CYP2W1: variants seen among roughly 807,000 people sequenced by gnomAD.
The protein encoded by CYP2W1 is cytochrome P450 family 2 subfamily W member 1.
CYP2W1 carries 51 observed loss-of-function variants against 44.9 expected under a neutral mutation model. The observed-to-expected ratio is 1.14, with a 90% CI of 0.91 to 1.43. CYP2W1 has a LOEUF of 1.43. Among genes scored for constraint, CYP2W1 ranks in the 40% most tolerant of loss-of-function variants. CYP2W1 has a pLI of 0.00. For missense variants in CYP2W1, 746 were observed against 700.0 expected (o/e 1.07, Z -0.74); for synonymous variants, 383 against 338.3 (o/e 1.13, Z -1.45).
intron 1 of CYP2W1, 87 bp downstream of exon 1, chr7:983,472 A>G: frequency 3.1e-6 from 4 of 1,283,222 alleles, no homozygotes; most frequent in Non-Finnish European, 4.1e-6. Context: ...CCCGGTTTCC[A>G]CTGCCTGTTC....
intron 7 of CYP2W1, among the ~76,000 whole-genome samples, chr7:987,945 CTG>C (rs10560989): frequency 0.029 from 4,004 of 136,142 alleles, 161 homozygotes; most frequent in African/African-American, 0.096. Context: ...GGGGGGTCCC[CTG>C]TGTGTCCTGG....
chr7:984,673 G>C, intron 2 of CYP2W1, 99 bp downstream of exon 2: 1 of 1,462,064 alleles, frequency 6.8e-7, no homozygotes, highest in Non-Finnish European at 9.1e-7. Flanking sequence ...TCCCAGGGTG[G>C]CCTGGGGAAG....
Position 983,183 on chromosome 7 carries a change from G to T in CYP2W1, c.-29G>T. ...GTGCGGGGGGGACGGGGCCCAGGAG[G>T]GGAGTGGAGCCTCACCAGCCACGTC... On this transcript the variant is annotated 5_prime_UTR_variant, in exon 1 of 9. Transcript: ENST00000308919. The T allele has an allele frequency of 8.9e-6, 13 of 1,456,410 alleles. No homozygotes were observed. The highest frequency in any genetic ancestry group is 1.2e-5 in the Non-Finnish European group (13 of 1,095,502). 90.2% of individuals were successfully genotyped at this position (1,456,410 alleles called of 1,614,324 possible). A position where few individuals can be genotyped will look rare whatever the true frequency, so the allele number is the denominator to read the frequency against.
chr7:988,742 G>A lies in CYP2W1; in HGVS notation c.1393G>A (p.Ala465Thr). ...RLLPPPGVSP[A>T]SLDTTPARAF... ...GCTGCCCCCGCCTGGCGTCAGTCCGGCCTCCCTGGACACCACGCCCGCCCG... is the reference window on the plus strand; with the variant it reads ...GCTGCCCCCGCCTGGCGTCAGTCCGACCTCCCTGGACACCACGCCCGCCCG... Residue 465 changes from alanine to threonine, a missense_variant, in exon 9 of 9, where the codon GCC becomes ACC. Ala to Thr is a moderately conservative substitution (Grantham distance 58). Coordinates refer to ENST00000308919, the MANE Select transcript of CYP2W1 (RefSeq NM_017781.3). The A allele has an allele frequency of 1.3e-6, 2 of 1,599,372 alleles. No homozygotes were observed.
intron 2 of CYP2W1, 64 bp from the exon 3 acceptor site, chr7:984,886 A>G: frequency 6.6e-7 from 1 of 1,524,376 alleles, no homozygotes; most frequent in Non-Finnish European, 8.8e-7. Flanking sequence ...CTTCCTGCCC[A>G]CTTGCCTGGC....
chr7:988,432 G>T lies in CYP2W1; in HGVS notation c.1285+14G>T. On this transcript the variant is annotated intron_variant, in intron 8 of 8. Coordinates refer to ENST00000308919, the MANE Select transcript of CYP2W1 (RefSeq NM_017781.3). ...CTTTCTCTGCAGGTCAGCAGCCCTC[G>T]GGGCCGGGGTGGGGCGGCACCTCCA... is the stretch of plus-strand genomic sequence containing the variant. 2 of 1,612,164 alleles carry T rather than the reference G, an allele frequency of 1.2e-6. No individual in the cohort carries two copies. Among genetic ancestry groups the T allele is most frequent in the Non-Finnish European group, 1.7e-6 (2 of 1,179,730 alleles).
rs780899735 is a variant in CYP2W1 at position 988,759 on chromosome 7, G to A, written c.1410G>A (p.Thr470=). ...TCAGTCCGGCCTCCCTGGACACCAC[G>A]CCCGCCCGGGCTTTTACCATGAGGC... ...PGVSPASLDT[T]PARAFTMRPR... is the part of the protein sequence containing the mutation. Residue 470 remains threonine, a synonymous_variant, in exon 9 of 9, where the codon ACG becomes ACA. Coordinates refer to ENST00000308919, the MANE Select transcript of CYP2W1 (RefSeq NM_017781.3). The A allele has an allele frequency of 5.6e-6, 9 of 1,598,650 alleles. No individual in the cohort carries two copies. The highest frequency in any genetic ancestry group is 4.4e-5 in the South Asian group (4 of 90,936).
rs1004478205 is a variant in CYP2W1 at position 983,679 on chromosome 7, G to A, written c.174+294G>A. 2.6e-5 allele frequency among the ~76,000 whole-genome samples: 4 copies of A among 152,238 alleles called. No homozygotes were observed. The East Asian group carries it at 5.8e-4, about 22-fold the overall frequency. Reference sequence around the variant, plus strand: ...AGGCGGTGGCGTCTGCTGAGAGCCCGCAGGAGGCCAGGCTTAGGGACAGCA... The same window carrying A: ...AGGCGGTGGCGTCTGCTGAGAGCCCACAGGAGGCCAGGCTTAGGGACAGCA... On this transcript the variant is annotated intron_variant, in intron 1 of 8. Transcript: ENST00000308919.
intron 8 of CYP2W1, 67 bp downstream of exon 8, chr7:988,485 T>A: frequency 6.2e-7 from 1 of 1,602,214 alleles, no homozygotes; most frequent in Admixed American, 1.7e-5. Context: ...CGGCCCCAGC[T>A]CCGCCTGCCG....
Position 987,193 on chromosome 7 carries a change from G to C in CYP2W1, c.906G>C (p.Ser302=), listed in dbSNP as rs745988107. The C allele has an allele frequency of 3.9e-6, 6 of 1,553,078 alleles. No homozygotes were observed. The highest frequency in any genetic ancestry group is 5.2e-6 in the Non-Finnish European group (6 of 1,149,276). ...DMVMAGTETT[S]ATLQWAALLM... ...TCATGGCCGGGACGGAGACGACCTC[G>C]GCCACGCTGCAGTGGGCCGCACTTC... The change falls in exon 6 of 9, where the codon TCG becomes TCC. Residue 302 remains serine, a synonymous_variant. Transcript: ENST00000308919.
chr7:988,240 C>G, intron 7 of CYP2W1, 37 bp from the exon 8 acceptor site: 2 of 1,545,166 alleles, frequency 1.3e-6, no homozygotes, highest in Non-Finnish European at 8.8e-7. Flanking sequence ...CCATCTTCCC[C>G]GGGGCCCCTC....
Position 986,490 on chromosome 7 carries a change from G to T in CYP2W1, c.646-134G>T, listed in dbSNP as rs192750534. 7.6e-6 allele frequency: 8 copies of T among 1,051,208 alleles called. No homozygotes were observed. In the Admixed American group the frequency reaches 1.8e-4, roughly 23 times the overall value. The allele number at this position is 1,051,208 out of a possible 1,614,324, so 65.1% of individuals were successfully genotyped here. On this transcript the variant is annotated intron_variant, in intron 4 of 8. Coordinates refer to ENST00000308919, the MANE Select transcript of CYP2W1 (RefSeq NM_017781.3). ...TCCCTTGAGGGCTAAGGGTCCCCCC[G>T]TTCTGTGGCCGCCTCCAGCACATCC...
chr7:988,648 T>C lies in CYP2W1; in HGVS notation c.1299T>C (p.Cys433=), dbSNP rs767465200. 8.1e-6 allele frequency: 13 copies of C among 1,601,744 alleles called. No homozygotes were observed. The African/African-American group carries it at 1.7e-4, about 21-fold the overall frequency. ...CATCCCCCGCAGGCCGCCGCGTCTG[T>C]GTTGGGGAGCGCCTGGCCAGGACCG... The part of the protein sequence containing the change: ...FLPFSAGRRV[C]VGERLARTEL... Residue 433 remains cysteine (C), a synonymous_variant, in exon 9 of 9, where the codon TGT becomes TGC. Coordinates refer to ENST00000308919, the MANE Select transcript of CYP2W1 (RefSeq NM_017781.3).
Position 985,178 on chromosome 7 carries a change from C to T in CYP2W1, c.500C>T (p.Pro167Leu), listed in dbSNP as rs199737246. The change falls in exon 4 of 9, where the codon CCG (proline) becomes CTG (leucine). Residue 167 changes from proline (P) to leucine (L), a missense_variant. Physicochemically the swap from Pro to Leu is moderately conservative, Grantham distance 98 (BLOSUM62 -3). Coordinates refer to ENST00000308919, the MANE Select transcript of CYP2W1 (RefSeq NM_017781.3). ...GTCTCCCTCGCAGGCCGGCCCTTCC[C>T]GCTGGCCCTACTGGGCTGGGCTCCC... Reference protein sequence around the residue: ...QLDGYRGRPFPLALLGWAPSN... With the variant: ...QLDGYRGRPFLLALLGWAPSN... 17 of 1,576,694 alleles carry T rather than the reference C, an allele frequency of 1.1e-5. No individual in the cohort carries two copies. The highest frequency in any genetic ancestry group is 4.0e-5 in the African/African-American group (3 of 74,518).
intron 2 of CYP2W1, 134 bp from the exon 3 acceptor site, chr7:984,816 G>T (rs1182512106): frequency 2.3e-6 from 3 of 1,298,266 alleles, no homozygotes; most frequent in African/African-American, 3.0e-5. Context: ...AGCCCAGGGG[G>T]ACGGGAGTGG....
chr7:989,016 C>A lies in CYP2W1; in HGVS notation c.*194C>A, dbSNP rs1848620594. On this transcript the variant is annotated 3_prime_UTR_variant, in exon 9 of 9. Coordinates refer to ENST00000308919, the MANE Select transcript of CYP2W1 (RefSeq NM_017781.3). Reference sequence around the variant, plus strand: ...ACTACCCCTGCCCGACCCTGTGGGACCCCCACCCCTCTGATGCTGTCTGCA... The same window carrying A: ...ACTACCCCTGCCCGACCCTGTGGGAACCCCACCCCTCTGATGCTGTCTGCA... 1.8e-6 allele frequency: 1 copy of A among 546,886 alleles called. No individual in the cohort carries two copies. Among genetic ancestry groups the A allele is most frequent in the African/African-American group, 1.9e-5 (1 of 52,850 alleles). 33.9% of individuals were successfully genotyped at this position (546,886 alleles called of 1,614,324 possible).
At chr7:984,211 G>A (rs370382159) in intron 1 of CYP2W1, among the ~76,000 whole-genome samples, 4 of 152,230 alleles carry the variant, frequency 2.6e-5, no homozygotes, top group African/African-American at 7.2e-5. Context: ...ACCAGATGGC[G>A]AGAGGGCTCT....
At position 984,943 on chromosome 7, in the gene CYP2W1, C is replaced by T. The variant is rs1583225893; in HGVS notation, c.338-7C>T. 8 of 1,593,002 alleles carry T rather than the reference C, an allele frequency of 5.0e-6. No individual in the cohort carries two copies. The highest frequency in any genetic ancestry group is 1.7e-5 in the Admixed American group (1 of 59,100). On this transcript the variant is annotated splice_region_variant and splice_polypyrimidine_tract_variant and intron_variant, in intron 2 of 8. Transcript: ENST00000308919. ...CTGGGCTCACCACGCACTGTATCTGCCTACAGGCATCTTCTTCTCATCTGG... is the reference window on the plus strand; with the variant it reads ...CTGGGCTCACCACGCACTGTATCTGTCTACAGGCATCTTCTTCTCATCTGG...
Position 986,689 on chromosome 7 carries a change from CGAG to C in CYP2W1, c.716_718del (p.Glu239del). The stretch of plus-strand genomic sequence containing the variant: ...TGCACCGGCCCGTCCTGCGCAAGAT[CGAG>C]GAGGTCCGTGCCATTCTGAGGACCC... On this transcript the variant is annotated inframe_deletion, in exon 5 of 9. Transcript: ENST00000308919. 10 of 1,612,624 alleles carry C rather than the reference CGAG, an allele frequency of 6.2e-6. No homozygotes were observed. Among genetic ancestry groups the C allele is most frequent in the Non-Finnish European group, 8.5e-6 (10 of 1,179,868 alleles).
Sources: allele counts gnomAD v4.1 joint callset (sites outside exome capture counted in the v4.1 genomes callset), GRCh38; gene constraint gnomAD v4.1.1; transcripts MANE v1.5; gene names NCBI Gene and HGNC (gene_info 2026-07-23, HGNC 2026-07-21).